Variants in PIK3CG observed in about 807,000 individuals in gnomAD.
PIK3CG encodes the protein phosphatidylinositol 4,5-bisphosphate 3-kinase catalytic subunit gamma isoform.
In PIK3CG, 55 loss-of-function variants were observed where a neutral mutation model predicts 102.3. That is an observed-to-expected ratio of 0.54 (90% CI 0.43 to 0.67). The LOEUF is 0.67. Ranked by LOEUF, PIK3CG falls within the 30% of genes least tolerant of loss-of-function variation. The probability of loss-of-function intolerance (pLI) is 0.00; values close to 1 mark genes in which losing one functional copy is unlikely to be tolerated. For synonymous variants in PIK3CG, 552 were observed against 540.0 expected (o/e 1.02, Z -0.31); for missense variants, 1,258 against 1,391.8 (o/e 0.90, Z 1.53).
At chr7:106,876,542 C>T (rs1790749304) in intron 5 of PIK3CG, among the ~76,000 whole-genome samples, 1 of 151,474 alleles carries the variant, frequency 6.6e-6, no homozygotes, top group African/African-American at 2.4e-5. Flanking sequence ...CAGGTGCCCG[C>T]CACCACACCC....
Position 106,905,276 on chromosome 7 carries a change from G to A in PIK3CG, c.3198G>A (p.Lys1066=), listed in dbSNP as rs1791658685. Residue 1066 remains lysine, a synonymous_variant, in exon 11 of 11, where the codon AAG becomes AAA. Coordinates refer to ENST00000496166, the MANE Select transcript of PIK3CG (RefSeq NM_001282426.2). This position sits in a 1 kb window ranked among gnomAD's most constrained non-coding sequence, Gnocchi z 5.6. ...GGAAAAATGAGGAGGATGCTAAAAA[G>A]TATTTTCTTGATCAGATCGAAGTTT... ...TVGKNEEDAK[K]YFLDQIEVCR... is the part of the protein sequence containing the mutation. 6.2e-7 allele frequency: 1 copy of A among 1,614,090 alleles called. No individual in the cohort carries two copies. Among genetic ancestry groups the A allele is most frequent in the Non-Finnish European group, 8.5e-7 (1 of 1,179,988 alleles).
rs777698228 is a variant in PIK3CG at position 106,899,251 on chromosome 7, G to A, written c.3031-5858G>A. On this transcript the variant is annotated intron_variant, in intron 10 of 10. Coordinates refer to ENST00000496166, the MANE Select transcript of PIK3CG (RefSeq NM_001282426.2). The surrounding 1 kb of genome is among the most constrained non-coding windows in gnomAD (Gnocchi z 4.6). ...TTGCTGAAGTTGTTTATCAGCTGGA[G>A]GAGCTTTTAGGCAGAGACTATGGGG... 2.6e-5 allele frequency among the ~76,000 whole-genome samples: 4 copies of A among 152,144 alleles called. No individual in the cohort carries two copies. The highest frequency in any genetic ancestry group is 4.4e-5 in the Non-Finnish European group (3 of 68,010).
In PIK3CG at chr7:106,892,859, A is replaced by T. The variant is rs937742476; in HGVS notation, c.3030+6567A>T. ...GGGAAGGGAGGGAACATCCAGACAG[A>T]AAGAACAGCACGAGCAAGTGCATGA... On this transcript the variant is annotated intron_variant, in intron 10 of 10. Transcript: ENST00000496166. The surrounding 1 kb of genome is among the most constrained non-coding windows in gnomAD (Gnocchi z 5.2). Among the ~76,000 whole-genome samples the T allele has an allele frequency of 6.6e-6, 1 of 152,192 alleles. No individual in the cohort carries two copies. The highest frequency in any genetic ancestry group is 1.5e-5 in the Non-Finnish European group (1 of 68,036).
At chr7:106,885,644 A>G (rs966908023) in intron 9 of PIK3CG, among the ~76,000 whole-genome samples, 5 of 152,168 alleles carry the variant, frequency 3.3e-5, no homozygotes, top group African/African-American at 1.2e-4. Flanking sequence ...AAGGAGACTC[A>G]AAATGATTTG....
intron 10 of PIK3CG, among the ~76,000 whole-genome samples, chr7:106,904,475 G>C (rs925070195): frequency 6.6e-6 from 1 of 152,150 alleles, no homozygotes; most frequent in Non-Finnish European, 1.5e-5. Flanking sequence ...AGCAGACTTA[G>C]CTCACCTGTA....
rs531441195 is a variant in PIK3CG, at chr7:106,890,040, G to A, written c.3030+3748G>A. Among the ~76,000 whole-genome samples the A allele has an allele frequency of 2.6e-5, 4 of 152,306 alleles. No individual in the cohort carries two copies. In the South Asian group the frequency reaches 6.2e-4, roughly 24 times the overall value. On this transcript the variant is annotated intron_variant, in intron 10 of 10. Transcript: ENST00000496166. This position sits in a 1 kb window ranked among gnomAD's most constrained non-coding sequence, Gnocchi z 4.2. ...AAAAGAAAAGTGTTTTTACTCATTG[G>A]TAATTTATTCTAGACCATGTTATTT...
chr7:106,871,460 C>T (rs1450340991), intron 2 of PIK3CG, among the ~76,000 whole-genome samples: 1 of 152,144 alleles, frequency 6.6e-6, no homozygotes, highest in Non-Finnish European at 1.5e-5. Context: ...ACTGGAAAAC[C>T]AGAGGAAGAA....
intron 2 of PIK3CG, among the ~76,000 whole-genome samples, chr7:106,871,058 C>CT (rs1406946523): frequency 1.3e-5 from 2 of 152,148 alleles, no homozygotes; most frequent in Non-Finnish European, 2.9e-5. Context: ...GAATAATGTT[C>CT]TTTTTAGAAA....
intron 10 of PIK3CG, among the ~76,000 whole-genome samples, chr7:106,889,331 A>C (rs1426768296): frequency 6.6e-6 from 1 of 151,138 alleles, no homozygotes; most frequent in East Asian, 2.0e-4. Flanking sequence ...TCATCATTTG[A>C]CTATGACCTT....
In PIK3CG at chr7:106,892,156, A is replaced by T. The variant is rs1158372505; in HGVS notation, c.3030+5864A>T. 6.6e-6 allele frequency among the ~76,000 whole-genome samples: 1 copy of T among 151,804 alleles called. No homozygotes were observed. Among genetic ancestry groups the T allele is most frequent in the Non-Finnish European group, 1.5e-5 (1 of 67,936 alleles). ...TATTCTCCCAAGCCCAGCCACAGGG[A>T]CCACAGAGACCTTGTAATCTGACAT... On this transcript the variant is annotated intron_variant, in intron 10 of 10. Coordinates refer to ENST00000496166, the MANE Select transcript of PIK3CG (RefSeq NM_001282426.2). This position sits in a 1 kb window ranked among gnomAD's most constrained non-coding sequence, Gnocchi z 5.2.
At position 106,879,443 on chromosome 7, in the gene PIK3CG, G is replaced by T; in HGVS notation, c.2392-76G>T. On this transcript the variant is annotated intron_variant, in intron 5 of 10. Transcript: ENST00000496166. The surrounding 1 kb of genome is among the most constrained non-coding windows in gnomAD (Gnocchi z 4.9). ...TCCTTGTTGTTTATAGTGATGTTTT[G>T]CAAGAGAATTTGTGTCTCCACCATG... 1.7e-6 allele frequency: 2 copies of T among 1,163,998 alleles called. No homozygotes were observed. The highest frequency in any genetic ancestry group is 2.6e-6 in the Non-Finnish European group (2 of 779,516). 72.1% of individuals were successfully genotyped at this position (1,163,998 alleles called of 1,614,324 possible). A position where few individuals can be genotyped will look rare whatever the true frequency, so the allele number is the denominator to read the frequency against.
Position 106,905,721 on chromosome 7 carries a change from T to G in PIK3CG, c.*334T>G, listed in dbSNP as rs1791668599. The stretch of plus-strand genomic sequence containing the variant: ...CTATTGAGTGCTTCTGGAAATTCTT[T>G]GGAATAATTGATGACATCTATTTTC... On this transcript the variant is annotated 3_prime_UTR_variant, in exon 11 of 11. Coordinates refer to ENST00000496166, the MANE Select transcript of PIK3CG (RefSeq NM_001282426.2). The surrounding 1 kb of genome is among the most constrained non-coding windows in gnomAD (Gnocchi z 5.6). 6.8e-6 allele frequency: 2 copies of G among 295,274 alleles called. No individual in the cohort carries two copies. The highest frequency in any genetic ancestry group is 1.3e-5 in the Non-Finnish European group (2 of 158,694). The allele number at this position is 295,274 out of a possible 1,614,324, so 18.3% of individuals were successfully genotyped here.
At chr7:106,873,941 A>C (rs1008260929) in intron 4 of PIK3CG, among the ~76,000 whole-genome samples, 2 of 152,154 alleles carry the variant, frequency 1.3e-5, no homozygotes, top group Non-Finnish European at 2.9e-5. Flanking sequence ...TCAACCTTGA[A>C]TCTAGAGAAT....
At chr7:106,889,926 TC>T (rs1791225168) in intron 10 of PIK3CG, among the ~76,000 whole-genome samples, 1 of 152,194 alleles carries the variant, frequency 6.6e-6, no homozygotes, top group South Asian at 2.1e-4. Context: ...TGGAGCAGCA[TC>T]CTACAAACAG....
intron 6 of PIK3CG, among the ~76,000 whole-genome samples, 183 bp from the exon 7 acceptor site, chr7:106,881,934 C>T (rs1198440760): frequency 6.6e-6 from 1 of 152,038 alleles, no homozygotes; most frequent in East Asian, 1.9e-4. Flanking sequence ...AATTAACAAG[C>T]TCACAAAGAA....
rs1212729821 is a variant in PIK3CG at position 106,874,928 on chromosome 7, T to G, written c.2391+125T>G. 2 of 608,576 alleles carry G rather than the reference T, an allele frequency of 3.3e-6. No homozygotes were observed. Among genetic ancestry groups the G allele is most frequent in the Admixed American group, 6.0e-5 (2 of 33,218 alleles). 37.7% of individuals were successfully genotyped at this position (608,576 alleles called of 1,614,324 possible). A position where few individuals can be genotyped will look rare whatever the true frequency, so the allele number is the denominator to read the frequency against. On this transcript the variant is annotated intron_variant, in intron 5 of 10. Transcript: ENST00000496166. The surrounding 1 kb of genome is among the most constrained non-coding windows in gnomAD (Gnocchi z 4.3). ...ACAGGGAAGCTGGAGAGTCTCTGGATGGGTTTCTCATAAGCCCTTGTCTAA... is the reference window on the plus strand; with the variant it reads ...ACAGGGAAGCTGGAGAGTCTCTGGAGGGGTTTCTCATAAGCCCTTGTCTAA...
intron 1 of PIK3CG, among the ~76,000 whole-genome samples, chr7:106,866,747 G>C (rs990231063): frequency 6.6e-6 from 1 of 152,182 alleles, no homozygotes; most frequent in Non-Finnish European, 1.5e-5. Flanking sequence ...CAAATTCCAT[G>C]ATTCAAAATT....
rs1489871362 is a variant in PIK3CG at position 106,883,997 on chromosome 7, A to C, written c.2761-158A>C. Among the ~76,000 whole-genome samples, 1 of 152,234 alleles carries C rather than the reference A, an allele frequency of 6.6e-6. No individual in the cohort carries two copies. Among genetic ancestry groups the C allele is most frequent in the Non-Finnish European group, 1.5e-5 (1 of 68,042 alleles). On this transcript the variant is annotated intron_variant, in intron 8 of 10. Transcript: ENST00000496166. The surrounding 1 kb of genome is among the most constrained non-coding windows in gnomAD (Gnocchi z 5.8). ...TAAAATATAAGCAGAGCAATGAGAA[A>C]GTTGGCAATTCATAGATATAATGCT...
rs1026699383 is a variant in PIK3CG at position 106,865,886 on chromosome 7, T to C, written c.-13+460T>C. 3 of 152,360 alleles carry C rather than the reference T, an allele frequency of 2.0e-5. No homozygotes were observed. In the South Asian group the frequency reaches 6.2e-4, roughly 32 times the overall value. The allele number at this position is 152,360 out of a possible 1,614,324, so 9.4% of individuals were successfully genotyped here. A position where few individuals can be genotyped will look rare whatever the true frequency, so the allele number is the denominator to read the frequency against. ...ATGCTGCCTAAATTTGGACATGTTT[T>C]ATTTCAAGTTAGTGTCAATATCAAT... On this transcript the variant is annotated intron_variant, in intron 1 of 10. Coordinates refer to ENST00000496166, the MANE Select transcript of PIK3CG (RefSeq NM_001282426.2).
Sources: gnomAD v4.1 joint callset for allele counts (sites outside exome capture counted in the v4.1 genomes callset) on GRCh38, gnomAD v4.1.1 for gene constraint, Gnocchi (gnomAD v3.1) non-coding constraint, MANE v1.5 for transcripts, NCBI Gene and HGNC (gene_info 2026-07-23, HGNC 2026-07-21) for gene names.